MACF1: variants seen among roughly 807,000 people sequenced by gnomAD.
MACF1 encodes microtubule actin crosslinking factor 1, also known as microtubule-actin cross-linking factor 1.
Under a neutral mutation model 854.8 loss-of-function variants are expected in MACF1, and 193 were observed. The ratio of observed to expected loss-of-function variants is 0.23; its 90% confidence interval spans 0.20 to 0.25. The LOEUF is 0.25. MACF1 is among the 10% of genes least tolerant of loss of function. The pLI, the probability that MACF1 is intolerant of heterozygous loss-of-function variation, is 1.00. For missense variants in MACF1, 7,722 were observed against 8,929.1 expected (o/e 0.86, Z 5.45); for synonymous variants, 3,185 against 3,226.7 (o/e 0.99, Z 0.44).
intron 2 of MACF1, among the ~76,000 whole-genome samples, chr1:39,175,137 A>G (rs1016562630): frequency 2.0e-5 from 3 of 151,988 alleles, no homozygotes; most frequent in African/African-American, 7.3e-5. Flanking sequence ...ACCTTGCTCC[A>G]TCCTCTCTTG....
chr1:39,178,417 A>C (rs779871186), intron 2 of MACF1, among the ~76,000 whole-genome samples: 1 of 152,116 alleles, frequency 6.6e-6, no homozygotes, highest in South Asian at 2.1e-4. Flanking sequence ...GGGGAAGCCA[A>C]TTTTGGATTT....
intron 61 of MACF1, among the ~76,000 whole-genome samples, chr1:39,426,748 G>C (rs911919005): frequency 9.2e-5 from 14 of 151,794 alleles, no homozygotes; most frequent in Admixed American, 6.6e-4. Flanking sequence ...GAGCTATAAA[G>C]TCTGTAGTTT....
intron 48 of MACF1, 73 bp from the exon 49 acceptor site, chr1:39,361,287 T>C (rs1648168563): frequency 7.1e-7 from 1 of 1,417,388 alleles, no homozygotes; most frequent in Non-Finnish European, 9.8e-7. Context: ...AGATAGCATA[T>C]AGTTATTAGT....
chr1:39,177,343 A>G (rs1416578549), intron 2 of MACF1, among the ~76,000 whole-genome samples: 2 of 152,136 alleles, frequency 1.3e-5, no homozygotes, highest in African/African-American at 2.4e-5. Context: ...GCCGGTTTCA[A>G]ACTCCTGACC....
intron 2 of MACF1, among the ~76,000 whole-genome samples, chr1:39,244,965 G>A (rs551521283): frequency 5.3e-5 from 8 of 152,190 alleles, no homozygotes; most frequent in South Asian, 2.1e-4. Context: ...TGCCCACCTC[G>A]ACCTCCCAAA....
chr1:39,249,926 G>T, intron 2 of MACF1, 88 bp from the exon 3 acceptor site: 29 of 636,016 alleles, frequency 4.6e-5, no homozygotes, highest in South Asian at 1.2e-4. Context: ...TCTTTAATTT[G>T]TGTTTACCTA....
intron 56 of MACF1, among the ~76,000 whole-genome samples, chr1:39,382,509 C>T (rs764654519): frequency 4.6e-5 from 7 of 151,372 alleles, no homozygotes; most frequent in Non-Finnish European, 8.8e-5. Context: ...TCAAGACCAT[C>T]CTGGCTAACA....
chr1:39,444,023 G>A (rs982684414), intron 79 of MACF1, among the ~76,000 whole-genome samples: 19 of 152,120 alleles, frequency 1.2e-4, no homozygotes, highest in African/African-American at 4.3e-4. Context: ...GTCTTTTGAG[G>A]GATCTCTAAT....
At chr1:39,390,736 C>A (rs1020679084) in intron 58 of MACF1, among the ~76,000 whole-genome samples, 1 of 152,166 alleles carries the variant, frequency 6.6e-6, no homozygotes, top group South Asian at 2.1e-4. Flanking sequence ...TGCATCCAGG[C>A]TATTTAGAAT....
chr1:39,334,647 C>T lies in MACF1; in HGVS notation c.8059C>T (p.Gln2687Ter). 6.2e-7 allele frequency: 1 copy of T among 1,613,986 alleles called. No individual in the cohort carries two copies. The change falls in exon 37 of 101, where the codon CAG becomes TAG. Residue 2687 changes from glutamine (Q) to a stop codon, truncating the protein, a stop_gained. Transcript: ENST00000564288. LOFTEE classifies it high-confidence loss of function. Reference sequence around the variant, plus strand: ...ATCTACGCTGAAGGTTCTAGAAGCCCAGGCAAATACTGGTGGAATCATAGA... The same window carrying T: ...ATCTACGCTGAAGGTTCTAGAAGCCTAGGCAAATACTGGTGGAATCATAGA... ...FASTLKVLEA[Q>*]ANTGGIIDTA...
At chr1:39,218,653 T>G (rs1476990858) in intron 1 of MACF1, among the ~76,000 whole-genome samples, 3 of 152,248 alleles carry the variant, frequency 2.0e-5, no homozygotes, top group Non-Finnish European at 4.4e-5. Flanking sequence ...GGCTCTCTTC[T>G]TTTGTTACCG....
rs907421058 is a variant in MACF1 at position 39,195,329 on chromosome 1, T to C, written c.221-35853T>C. On this transcript the variant is annotated intron_variant, in intron 2 of 93. Transcript: ENST00000361689. ...TCACTGGGCCCAGCTTTGCCCTTTCTAGTGTGCACCCGCCCCCATTCTTGC... is the reference window on the plus strand; with the variant it reads ...TCACTGGGCCCAGCTTTGCCCTTTCCAGTGTGCACCCGCCCCCATTCTTGC... Among the ~76,000 whole-genome samples the C allele has an allele frequency of 3.3e-5, 5 of 152,358 alleles. No homozygotes were observed. The East Asian group carries it at 9.6e-4, about 29-fold the overall frequency.
In MACF1 at chr1:39,315,434, G is replaced by A. The variant is rs1646393625; in HGVS notation, c.3271-79G>A. On this transcript the variant is annotated intron_variant, in intron 26 of 100. Transcript: ENST00000564288. ...GCATTTAGGTGGTTTCCAATATTTA[G>A]CTATTACAAATGTGGACTTCTTTCT... The A allele has an allele frequency of 2.3e-6, 3 of 1,324,138 alleles. No homozygotes were observed. The Admixed American group carries it at 5.6e-5, about 25-fold the overall frequency. 82.0% of individuals were successfully genotyped at this position (1,324,138 alleles called of 1,614,324 possible).
intron 6 of MACF1, among the ~76,000 whole-genome samples, chr1:39,273,870 G>C (rs1260083008): frequency 6.6e-6 from 1 of 152,118 alleles, no homozygotes; most frequent in Admixed American, 6.5e-5. Flanking sequence ...GATTACAGGC[G>C]TGAGCCACCG....
At chr1:39,456,641 C>G (rs1373716511) in intron 89 of MACF1, 1 of 152,156 alleles carries the variant, frequency 6.6e-6, no homozygotes, top group Non-Finnish European at 1.5e-5. Flanking sequence ...AGTTCTTCTC[C>G]TTTCTGTTTT....
Position 39,441,339 on chromosome 1 carries a change from A to C in MACF1, c.18672+14A>C, listed in dbSNP as rs1644111750. On this transcript the variant is annotated intron_variant, in intron 74 of 100. Transcript: ENST00000564288. Reference sequence around the variant, plus strand: ...GACACTCTTCAGGTGAGAGGCCAGGAGGTGACCACCAAGGAAATACAGGTT... The same window carrying C: ...GACACTCTTCAGGTGAGAGGCCAGGCGGTGACCACCAAGGAAATACAGGTT... The C allele has an allele frequency of 6.3e-7, 1 of 1,599,476 alleles. No homozygotes were observed.
intron 2 of MACF1, among the ~76,000 whole-genome samples, chr1:39,162,803 C>T (rs919382296): frequency 6.6e-6 from 1 of 152,100 alleles, no homozygotes; most frequent in African/African-American, 2.4e-5. Flanking sequence ...GTTAGCGATA[C>T]TGTTTCTAAA....
At chr1:39,158,371 A>AGT (rs1488547682) in intron 2 of MACF1, among the ~76,000 whole-genome samples, 3 of 152,282 alleles carry the variant, frequency 2.0e-5, no homozygotes, top group Non-Finnish European at 1.5e-5. Context: ...CTTGATATGC[A>AGT]GTGCCTCCTC....
chr1:39,315,157 C>T lies in MACF1; in HGVS notation c.3271-356C>T, dbSNP rs145168714. 6.6e-3 allele frequency among the ~76,000 whole-genome samples: 1,010 copies of T among 152,292 alleles called. 12 individuals are homozygous for T. Among genetic ancestry groups the T allele is most frequent in the Non-Finnish European group, 0.011 (757 of 68,016 alleles). On this transcript the variant is annotated intron_variant, in intron 26 of 100. Transcript: ENST00000564288. ...ATCCTTTCAATTCCATCCTTTTCAT[C>T]TCATTAGTTTCTGGTTATCCTTTCT...
Sources: allele counts gnomAD v4.1 joint callset (sites outside exome capture counted in the v4.1 genomes callset), GRCh38; gene constraint gnomAD v4.1.1; transcripts MANE v1.5; gene names NCBI Gene and HGNC (gene_info 2026-07-23, HGNC 2026-07-21).